Variants in DPP6 observed in about 807,000 individuals in gnomAD.
DPP6 encodes dipeptidyl peptidase like 6.
DPP6 carries 69 observed loss-of-function variants against 122.6 expected under a neutral mutation model. The ratio of observed to expected loss-of-function variants is 0.56; its 90% confidence interval spans 0.46 to 0.69. The LOEUF is 0.69. DPP6 is among the 30% of genes least tolerant of loss of function. DPP6 has a pLI of 0.00. For synonymous variants in DPP6, 418 were observed against 433.1 expected (o/e 0.97, Z 0.43); for missense variants, 928 against 1,116.9 (o/e 0.83, Z 2.41).
intron 1 of DPP6, among the ~76,000 whole-genome samples, chr7:154,044,551 C>T (rs1799924067): frequency 6.6e-6 from 1 of 152,090 alleles, no homozygotes; most frequent in Non-Finnish European, 1.5e-5. Flanking sequence ...TAAAGATGCA[C>T]CTGTGGTTCA....
chr7:154,172,166 CA>C (rs111463577), intron 1 of DPP6, among the ~76,000 whole-genome samples: 2,144 of 152,080 alleles, frequency 0.014, 49 homozygotes, highest in African/African-American at 0.048. Flanking sequence ...GCCTGCCTGC[CA>C]CAGGTGTTTA....
rs1456707865 is a variant in DPP6 at position 154,378,529 on chromosome 7, G to A, written c.244-67685G>A. 2.6e-5 allele frequency among the ~76,000 whole-genome samples: 4 copies of A among 152,204 alleles called. No individual in the cohort carries two copies. The East Asian group carries it at 7.7e-4, about 29-fold the overall frequency. On this transcript the variant is annotated intron_variant, in intron 1 of 25. Transcript: ENST00000377770. ...AGGTGCCCACAGACCTGGCACTGGAGAGGAGGGCTCCCTTCCTGGTTTGCA... is the reference window on the plus strand; with the variant it reads ...AGGTGCCCACAGACCTGGCACTGGAAAGGAGGGCTCCCTTCCTGGTTTGCA...
intron 8 of DPP6, among the ~76,000 whole-genome samples, chr7:154,735,170 A>C (rs917252083): frequency 6.6e-6 from 1 of 152,216 alleles, no homozygotes; most frequent in Non-Finnish European, 1.5e-5. Flanking sequence ...TAGAAATGCT[A>C]TTGATACCAT....
chr7:154,374,162 G>A (rs934484015), intron 1 of DPP6, among the ~76,000 whole-genome samples: 1 of 146,806 alleles, frequency 6.8e-6, no homozygotes, highest in African/African-American at 2.8e-5. Flanking sequence ...TTTGGAGTTA[G>A]ACAGACTCCA....
intron 1 of DPP6, among the ~76,000 whole-genome samples, chr7:154,389,842 G>C (rs1264661340): frequency 2.0e-5 from 3 of 152,210 alleles, no homozygotes; most frequent in Non-Finnish European, 4.4e-5. Flanking sequence ...CCTAAGCTTT[G>C]AAGTTGGATG....
chr7:154,285,151 T>C (rs1346302911), intron 1 of DPP6, among the ~76,000 whole-genome samples: 2 of 152,238 alleles, frequency 1.3e-5, no homozygotes, highest in African/African-American at 4.8e-5. Flanking sequence ...TTAAAACTGC[T>C]TTTATATTTT....
At chr7:154,669,020 C>T (rs534739885) in intron 6 of DPP6, among the ~76,000 whole-genome samples, 5 of 152,170 alleles carry the variant, frequency 3.3e-5, no homozygotes, top group Non-Finnish European at 7.3e-5. Flanking sequence ...GGAGGTAGAT[C>T]ACTGCATGGT....
chr7:153,920,385 A>C (rs116282815), intron 1 of DPP6, among the ~76,000 whole-genome samples: 2 of 152,080 alleles, frequency 1.3e-5, no homozygotes, highest in Admixed American at 1.3e-4. Flanking sequence ...TGTGGCAACA[A>C]TGTTGCAATC....
intron 1 of DPP6, among the ~76,000 whole-genome samples, chr7:153,915,493 A>G (rs796798596): frequency 4.6e-5 from 7 of 152,228 alleles, no homozygotes; most frequent in Non-Finnish European, 1.0e-4. Context: ...TAGCAAGATC[A>G]TCTTTTTAAG....
intron 1 of DPP6, among the ~76,000 whole-genome samples, chr7:154,061,777 G>C (rs1263342680): frequency 1.5e-5 from 2 of 136,382 alleles, no homozygotes; most frequent in African/African-American, 5.6e-5. Flanking sequence ...CCCATCGCAG[G>C]GAGGGAGGCA....
intron 1 of DPP6, among the ~76,000 whole-genome samples, chr7:154,303,481 C>A (rs1806048197): frequency 6.6e-6 from 1 of 152,108 alleles, no homozygotes; most frequent in Non-Finnish European, 1.5e-5. Context: ...CGTAGGAAGA[C>A]CCTCTAAGGC....
chr7:154,485,568 C>A (rs1370223548), intron 3 of DPP6, among the ~76,000 whole-genome samples: 1 of 152,216 alleles, frequency 6.6e-6, no homozygotes, highest in African/African-American at 2.4e-5. Flanking sequence ...AATGCATCTT[C>A]CCCATTTCTG....
chr7:154,511,552 T>A (rs1209445136), intron 3 of DPP6, among the ~76,000 whole-genome samples: 1 of 152,192 alleles, frequency 6.6e-6, no homozygotes, highest in Non-Finnish European at 1.5e-5. Context: ...AAATAATCTG[T>A]AGAAATTTGC....
chr7:153,823,673 G>T, the DPP6 span, among the ~76,000 whole-genome samples: 25 of 151,522 alleles, frequency 1.6e-4, no homozygotes, highest in Admixed American at 2.0e-4. Flanking sequence ...GGTGTGAGGG[G>T]TTGTCTGGGA....
intron 20 of DPP6, among the ~76,000 whole-genome samples, chr7:154,880,622 T>C (rs551978436): frequency 6.6e-6 from 1 of 152,310 alleles, no homozygotes; most frequent in East Asian, 1.9e-4. Flanking sequence ...CGGCTGTGGA[T>C]TAATGGCTCG....
chr7:154,304,785 G>A (rs1396450813), intron 1 of DPP6, among the ~76,000 whole-genome samples: 3 of 152,196 alleles, frequency 2.0e-5, no homozygotes, highest in African/African-American at 7.2e-5. Context: ...GGTGCTCCCA[G>A]ACCCCCTTCC....
intron 10 of DPP6, among the ~76,000 whole-genome samples, chr7:154,779,132 G>A (rs111219412): frequency 0.19 from 103 of 536 alleles, no homozygotes; most frequent in South Asian, 0.25. Context: ...CACTATCACC[G>A]CTATCACCAC....
intron 7 of DPP6, among the ~76,000 whole-genome samples, chr7:154,694,830 C>T (rs757976355): frequency 1.3e-5 from 2 of 152,084 alleles, no homozygotes; most frequent in Admixed American, 6.5e-5. Context: ...CCCGGGTAAG[C>T]GGGATGGTTG....
rs149205406 is a variant in DPP6, at chr7:154,152,203, G to A, written c.243+99140G>A. Among the ~76,000 whole-genome samples the A allele has an allele frequency of 4.1e-3, 621 of 152,142 alleles. 3 individuals carry two copies. Among genetic ancestry groups the A allele is most frequent in the African/African-American group, 0.014 (595 of 41,486 alleles). On this transcript the variant is annotated intron_variant, in intron 1 of 25. Transcript: ENST00000377770. Reference sequence around the variant, plus strand: ...GGGCAGTGACAGAGAAAGCAGTGGGGTAGGCTTGCCACATGGAAGAGAGCA... The same window carrying A: ...GGGCAGTGACAGAGAAAGCAGTGGGATAGGCTTGCCACATGGAAGAGAGCA...
Sources: gnomAD v4.1 joint callset for allele counts (sites outside exome capture counted in the v4.1 genomes callset) on GRCh38, gnomAD v4.1.1 for gene constraint, MANE v1.5 for transcripts, NCBI Gene and HGNC (gene_info 2026-07-23, HGNC 2026-07-21) for gene names.